Variants in RP1 observed in about 807,000 individuals in gnomAD.
RP1 encodes the protein RP1 axonemal microtubule associated.
A neutral mutation model predicts 14.8 loss-of-function variants in RP1; 16 were observed. That is an observed-to-expected ratio of 1.08 (90% CI 0.73 to 1.65). The LOEUF is 1.65. Among genes scored for constraint, RP1 ranks in the 40% most tolerant of loss-of-function variants. The pLI, the probability that RP1 is intolerant of heterozygous loss-of-function variation, is 0.00. For missense variants in RP1, 2,631 were observed against 2,535.0 expected, an observed-to-expected ratio of 1.04 and a Z score of -0.81; for synonymous variants, 876 against 883.6, an observed-to-expected ratio of 0.99 and a Z score of 0.15.
chr8:54,757,673 G>C (rs1220051252), intron 21 of RP1, among the ~76,000 whole-genome samples: 1 of 152,200 alleles, frequency 6.6e-6, no homozygotes, highest in Non-Finnish European at 1.5e-5. Flanking sequence ...GATTGAGATA[G>C]AAAGCTATAA....
At chr8:54,778,035 T>C (rs16920752) in intron 23 of RP1, among the ~76,000 whole-genome samples, 8,880 of 152,248 alleles carry the variant, frequency 0.058, 801 homozygotes, top group African/African-American at 0.19. Context: ...GTAGCCATGC[T>C]TTTCAAAATA....
chr8:54,863,047 A>ATG (rs1491314382), intron 27 of RP1, among the ~76,000 whole-genome samples: 6 of 99,808 alleles, frequency 6.0e-5, no homozygotes, highest in African/African-American at 1.8e-4. Context: ...CCAAATGGAT[A>ATG]TATATATATA....
chr8:54,814,987 T>C (rs1182770899), intron 24 of RP1, among the ~76,000 whole-genome samples: 1 of 152,228 alleles, frequency 6.6e-6, no homozygotes, highest in Non-Finnish European at 1.5e-5. Flanking sequence ...CCAGCCTGGG[T>C]GACAAAGCGA....
At chr8:54,735,191 C>A (rs1808889149) in intron 18 of RP1, among the ~76,000 whole-genome samples, 1 of 152,020 alleles carries the variant, frequency 6.6e-6, no homozygotes, top group Non-Finnish European at 1.5e-5. Context: ...TTAAAAAAGT[C>A]TTGAGAATGA....
In RP1 at chr8:54,656,031, A is replaced by C. The variant is rs967434585; in HGVS notation, c.1039-52A>C. The C allele has an allele frequency of 9.7e-6, 13 of 1,336,138 alleles. No homozygotes were observed. In the Admixed American group the frequency reaches 1.6e-4, roughly 17 times the overall value. The allele number at this position is 1,336,138 out of a possible 1,614,324, so 82.8% of individuals were successfully genotyped here. On this transcript the variant is annotated intron_variant, in intron 5 of 22. Coordinates refer to the RP1 transcript ENST00000636932. ...AGTCTTGAACAAAAACTTATTTGAC[A>C]CTTTGATAAAGCATTCCTACATTTT...
intron 24 of RP1, among the ~76,000 whole-genome samples, chr8:54,804,576 C>A (rs1391229904): frequency 6.6e-6 from 1 of 151,880 alleles, no homozygotes; most frequent in Non-Finnish European, 1.5e-5. Flanking sequence ...AAAAATTTAC[C>A]TGGCAAAAAG....
intron 3 of RP1, among the ~76,000 whole-genome samples, chr8:54,643,323 C>A (rs1014636985): frequency 1.3e-5 from 2 of 152,180 alleles, no homozygotes; most frequent in Non-Finnish European, 2.9e-5. Flanking sequence ...CAGAACAATT[C>A]TATCCCAAAT....
intron 6 of RP1, among the ~76,000 whole-genome samples, chr8:54,656,381 G>A (rs1806755462): frequency 6.6e-6 from 1 of 152,132 alleles, no homozygotes; most frequent in African/African-American, 2.4e-5. Flanking sequence ...CTTTTTAGTT[G>A]TTTCACATGC....
intron 24 of RP1, among the ~76,000 whole-genome samples, chr8:54,805,258 A>T (rs1810820588): frequency 6.6e-6 from 1 of 152,212 alleles, no homozygotes. Context: ...CTTATTTGCT[A>T]GTTATATAGT....
chr8:54,607,350 A>G lies in RP1; in HGVS notation c.-12-13605A>G, dbSNP rs138168249. On this transcript the variant is annotated intron_variant, in intron 1 of 22. Coordinates refer to the RP1 transcript ENST00000636932. ...CCTGGGTATCCGCAGCAGAGGCTAC[A>G]GAACAGTGGATATTGGTGAACAGCA... 8.2e-3 allele frequency among the ~76,000 whole-genome samples: 1,247 copies of G among 152,312 alleles called. 6 individuals carry two copies. The highest frequency in any genetic ancestry group is 0.037 in the Middle Eastern group (11 of 294).
chr8:54,670,495 GTATATATATACACATATA>G (rs1807131912), intron 7 of RP1, among the ~76,000 whole-genome samples: 2 of 107,168 alleles, frequency 1.9e-5, no homozygotes, highest in Non-Finnish European at 3.9e-5. Flanking sequence ...ATGTAAGTAT[GTATATATATACACATATA>G]TATGTATGTG....
intron 16 of RP1, among the ~76,000 whole-genome samples, chr8:54,725,154 A>T (rs1213547788): frequency 6.6e-6 from 1 of 152,156 alleles, no homozygotes; most frequent in Non-Finnish European, 1.5e-5. Context: ...AAGATAGTTT[A>T]TCTCTTTGTA....
At chr8:54,618,643 T>C (rs1217785363) in intron 1 of RP1, among the ~76,000 whole-genome samples, 3 of 152,038 alleles carry the variant, frequency 2.0e-5, no homozygotes, top group Non-Finnish European at 4.4e-5. Flanking sequence ...AGTTCTAAAG[T>C]CTTACTTATT....
intron 16 of RP1, among the ~76,000 whole-genome samples, chr8:54,721,421 A>G (rs945546148): frequency 1.3e-5 from 2 of 152,234 alleles, no homozygotes; most frequent in African/African-American, 2.4e-5. Flanking sequence ...GGAAATAGCT[A>G]GCAGGGGTCA....
At chr8:54,840,111 C>T (rs1306971669) in intron 25 of RP1, among the ~76,000 whole-genome samples, 1 of 151,972 alleles carries the variant, frequency 6.6e-6, no homozygotes, top group East Asian at 1.9e-4. Context: ...CACCTCATTG[C>T]TAACATGTCA....
intron 24 of RP1, among the ~76,000 whole-genome samples, chr8:54,831,672 A>G (rs1457993047): frequency 6.6e-6 from 1 of 151,884 alleles, no homozygotes; most frequent in African/African-American, 2.4e-5. Flanking sequence ...ATTGATTTGC[A>G]TAAAATTTAA....
chr8:54,568,448 T>C (rs1804453207), intron 1 of RP1, among the ~76,000 whole-genome samples: 1 of 152,248 alleles, frequency 6.6e-6, no homozygotes, highest in African/African-American at 2.4e-5. Flanking sequence ...TCTTGAGTTA[T>C]TTTGTTCTTG....
intron 1 of RP1, among the ~76,000 whole-genome samples, chr8:54,570,533 T>C (rs542891192): frequency 4.6e-5 from 7 of 152,050 alleles, no homozygotes; most frequent in Middle Eastern, 3.4e-3. Flanking sequence ...TTCACCATCT[T>C]GGCCAGGCTG....
At chr8:54,701,616 C>T in exon 14 of RP1, 2 of 1,535,620 alleles carry the variant, frequency 1.3e-6, no homozygotes, top group African/African-American at 2.7e-5. Flanking sequence ...GATGCATCAT[C>T]AGCAGGCTAT....
Sources: gnomAD v4.1 joint callset for allele counts (sites outside exome capture counted in the v4.1 genomes callset) on GRCh38, gnomAD v4.1.1 for gene constraint, MANE v1.5 for transcripts, NCBI Gene and HGNC (gene_info 2026-07-23, HGNC 2026-07-21) for gene names.